Variants in BMPR2 observed in about 807,000 individuals in gnomAD.
BMPR2 encodes the protein bone morphogenetic protein receptor type 2.
BMPR2 carries 29 observed loss-of-function variants against 100.8 expected under a neutral mutation model. That is an observed-to-expected ratio of 0.29 (90% CI 0.21 to 0.39). BMPR2 has a LOEUF of 0.39. Ranked by LOEUF, BMPR2 falls within the 10% of genes least tolerant of loss-of-function variation. The pLI is 1.00. For synonymous variants in BMPR2, 382 were observed against 442.3 expected (o/e 0.86, Z 1.71); for missense variants, 1,011 against 1,274.5 (o/e 0.79, Z 3.15).
chr2:202,470,595 A>G (rs1692416155), intron 3 of BMPR2, among the ~76,000 whole-genome samples: 1 of 151,206 alleles, frequency 6.6e-6, no homozygotes, highest in Admixed American at 6.6e-5. Flanking sequence ...CCCCGTCTCT[A>G]CTAAAAATAC....
chr2:202,449,164 C>T (rs1011195511), intron 1 of BMPR2, among the ~76,000 whole-genome samples: 10 of 151,570 alleles, frequency 6.6e-5, no homozygotes, highest in South Asian at 2.1e-4. Context: ...CAGAATTAGC[C>T]GGGCATGGTG....
chr2:202,513,728 A>G lies in BMPR2; in HGVS notation c.428A>G (p.His143Arg). 1 of 1,612,806 alleles carries G rather than the reference A, an allele frequency of 6.2e-7. No homozygotes were observed. Among genetic ancestry groups the G allele is most frequent in the South Asian group, 1.1e-5 (1 of 90,996 alleles). ...PPDTTPLSPP[H>R]SFNRDETIII... is the part of the protein sequence containing the mutation. ...ATTTGTTTTCTTTTAGGTCCACCTCATTCATTTAACCGAGATGAGACAATA... is the reference window on the plus strand; with the variant it reads ...ATTTGTTTTCTTTTAGGTCCACCTCGTTCATTTAACCGAGATGAGACAATA... Residue 143 changes from histidine to arginine, a missense_variant, in exon 4 of 13, where the codon CAT becomes CGT. This residue lies in a region of BMPR2 where 355 missense variants were observed against 455.3 expected (regional missense o/e 0.78). Transcript: ENST00000374580.
intron 1 of BMPR2, among the ~76,000 whole-genome samples, chr2:202,419,933 T>A (rs552394681): frequency 2.8e-4 from 43 of 152,272 alleles, no homozygotes; most frequent in African/African-American, 1.0e-3. Context: ...AGGATGGCTT[T>A]AGGCCAGGAG....
chr2:202,547,160 T>C (rs190837825), intron 10 of BMPR2, among the ~76,000 whole-genome samples: 79 of 152,286 alleles, frequency 5.2e-4, no homozygotes, highest in Non-Finnish European at 2.9e-5. Flanking sequence ...AAAGTAGCTT[T>C]TTTCCTCCTA....
At chr2:202,429,450 G>A (rs1365075672) in intron 1 of BMPR2, among the ~76,000 whole-genome samples, 3 of 152,016 alleles carry the variant, frequency 2.0e-5, no homozygotes, top group Non-Finnish European at 1.5e-5. Flanking sequence ...CTTATGATAC[G>A]TCCCTTGCTT....
At chr2:202,542,525 GT>G in intron 10 of BMPR2, 78 bp downstream of exon 10, 1 of 1,490,984 alleles carries the variant, frequency 6.7e-7, no homozygotes, top group Non-Finnish European at 9.2e-7. Context: ...AAAATAGACT[GT>G]TAATAACGTT....
At chr2:202,404,465 G>A (rs896252151) in intron 1 of BMPR2, among the ~76,000 whole-genome samples, 11 of 152,180 alleles carry the variant, frequency 7.2e-5, no homozygotes, top group Non-Finnish European at 1.2e-4. Flanking sequence ...CAAAATGCTG[G>A]GATTACAGGC....
chr2:202,466,040 T>C (rs1692314467), intron 2 of BMPR2, among the ~76,000 whole-genome samples: 1 of 152,206 alleles, frequency 6.6e-6, no homozygotes, highest in Non-Finnish European at 1.5e-5. Flanking sequence ...CATTATGTTA[T>C]TTTCATGTTT....
chr2:202,517,993 T>G (rs1687746701), intron 5 of BMPR2, among the ~76,000 whole-genome samples: 1 of 145,290 alleles, frequency 6.9e-6, no homozygotes, highest in African/African-American at 2.5e-5. Context: ...TTTTTTTTTT[T>G]TTTTGTATTT....
chr2:202,403,109 T>C (rs1226330964), intron 1 of BMPR2, among the ~76,000 whole-genome samples: 1 of 152,010 alleles, frequency 6.6e-6, no homozygotes, highest in African/African-American at 2.4e-5. Context: ...ATTACAGGCA[T>C]GAGCCACCGC....
At chr2:202,424,699 A>G (rs1187634067) in intron 1 of BMPR2, among the ~76,000 whole-genome samples, 1 of 152,128 alleles carries the variant, frequency 6.6e-6, no homozygotes, top group African/African-American at 2.4e-5. Context: ...CCGTCTCAAA[A>G]AATAAAATAA....
intron 10 of BMPR2, among the ~76,000 whole-genome samples, chr2:202,550,812 T>G: frequency 6.6e-6 from 1 of 152,104 alleles, no homozygotes; most frequent in East Asian, 1.9e-4. Context: ...TTTGTTTTTG[T>G]TTTTAAAAAG....
Position 202,542,443 on chromosome 2 carries a change from G to A in BMPR2, c.1409G>A (p.Ser470Asn). 6.2e-7 allele frequency: 1 copy of A among 1,613,958 alleles called. No homozygotes were observed. The highest frequency in any genetic ancestry group is 8.5e-7 in the Non-Finnish European group (1 of 1,179,938). ...PKFPEAWKEN[S>N]LAVRSLKETI... ...TTCCCAGAAGCCTGGAAAGAAAATA[G>A]CCTGGTAAGAAAAAACTAAGTTATT... is the stretch of plus-strand genomic sequence containing the variant. The change falls in exon 10 of 13, where the codon AGC (serine) becomes AAC (asparagine). Residue 470 changes from serine (S) to asparagine (N), a missense_variant. This residue lies in a region of BMPR2 where 83 missense variants were observed against 140.7 expected (regional missense o/e 0.59). Transcript: ENST00000374580.
intron 1 of BMPR2, among the ~76,000 whole-genome samples, chr2:202,427,734 T>C (rs1327274170): frequency 6.6e-6 from 1 of 152,144 alleles, no homozygotes; most frequent in Admixed American, 6.6e-5. Flanking sequence ...TCTCAGCACT[T>C]TGGGAGGCCG....
At chr2:202,480,692 G>T (rs1341711351) in intron 3 of BMPR2, among the ~76,000 whole-genome samples, 3 of 151,910 alleles carry the variant, frequency 2.0e-5, no homozygotes, top group African/African-American at 7.3e-5. Context: ...GGTGGCTCAT[G>T]CCTGTAATCC....
intron 12 of BMPR2, 103 bp from the exon 13 acceptor site, chr2:202,559,593 C>A: frequency 8.0e-7 from 1 of 1,245,692 alleles, no homozygotes; most frequent in Non-Finnish European, 1.1e-6. Flanking sequence ...TGTTCATTAG[C>A]ACCCTCCTGA....
chr2:202,392,852 CGTGGT>C (rs1255788839), intron 1 of BMPR2, among the ~76,000 whole-genome samples: 1 of 151,940 alleles, frequency 6.6e-6, no homozygotes, highest in Non-Finnish European at 1.5e-5. Context: ...ATTAGCCGGG[CGTGGT>C]GGCACATGCC....
Position 202,377,245 on chromosome 2 carries a change from G to A in BMPR2, c.-230G>A. ...TTTGGAGGGCCGCGGCACCCCGTCCGAGGCGAAGGAACCCCCCCAGCCGCG... is the reference window on the plus strand; with the variant it reads ...TTTGGAGGGCCGCGGCACCCCGTCCAAGGCGAAGGAACCCCCCCAGCCGCG... On this transcript the variant is annotated 5_prime_UTR_variant, in exon 1 of 13. Coordinates refer to ENST00000374580, the MANE Select transcript of BMPR2 (RefSeq NM_001204.7). 1.6e-6 allele frequency: 1 copy of A among 615,690 alleles called. No homozygotes were observed. The highest frequency in any genetic ancestry group is 2.9e-6 in the Non-Finnish European group (1 of 340,776). The allele number at this position is 615,690 out of a possible 1,614,324, so 38.1% of individuals were successfully genotyped here.
chr2:202,525,222 G>GT (rs913232132), intron 7 of BMPR2, among the ~76,000 whole-genome samples: 25 of 151,066 alleles, frequency 1.7e-4, no homozygotes, highest in South Asian at 4.2e-4. Context: ...GTTGTTTTTT[G>GT]TTTTTTTTGA....
Sources: gnomAD v4.1 joint callset for allele counts (sites outside exome capture counted in the v4.1 genomes callset) on GRCh38, gnomAD v4.1.1 for gene constraint, gnomAD v4.1.1 regional missense constraint, MANE v1.5 for transcripts, NCBI Gene and HGNC (gene_info 2026-07-23, HGNC 2026-07-21) for gene names.